Variants in PRUNE2 observed in about 807,000 individuals in gnomAD.
PRUNE2 encodes prune homolog 2 with BCH domain.
A neutral mutation model predicts 252.0 loss-of-function variants in PRUNE2; 164 were observed. The observed-to-expected ratio is 0.65, with a 90% CI of 0.57 to 0.74. The LOEUF (loss-of-function observed/expected upper bound fraction) is 0.74. Among genes scored for constraint, PRUNE2 ranks in the 30% least tolerant of loss-of-function variants. The pLI is 0.00. For synonymous variants in PRUNE2, 1,292 were observed against 1,350.2 expected (o/e 0.96, Z 0.94); for missense variants, 3,495 against 3,711.0 (o/e 0.94, Z 1.51).
At chr9:76,754,544 C>T (rs756091511) in intron 6 of PRUNE2, among the ~76,000 whole-genome samples, 19 of 152,324 alleles carry the variant, frequency 1.2e-4, no homozygotes, top group Non-Finnish European at 2.1e-4. Flanking sequence ...ACCGGCCAAA[C>T]ACTTCCTGTC....
intron 1 of PRUNE2, among the ~76,000 whole-genome samples, chr9:76,865,659 C>T (rs1357699106): frequency 6.6e-6 from 1 of 152,136 alleles, no homozygotes; most frequent in African/African-American, 2.4e-5. Flanking sequence ...ATGTCTTTGT[C>T]ATGTTCTTAT....
In PRUNE2 at chr9:76,707,293, A is replaced by T; in HGVS notation, c.4981T>A (p.Tyr1661Asn). Residue 1661 changes from tyrosine to asparagine, a missense_variant, in exon 8 of 19, where the codon TAC (tyrosine) becomes AAC (asparagine). Tyr to Asn is a moderately radical substitution (Grantham distance 143). Coordinates refer to ENST00000376718, the MANE Select transcript of PRUNE2 (RefSeq NM_015225.3). ...THQESNLIAS[Y>N]QEKNEHDISA... is the part of the protein sequence containing the mutation. Reference sequence around the variant, plus strand: ...ATGTCATGTTCATTTTTCTCCTGGTAGCTAGCAATTAGATTGCTTTCCTGA... The same window carrying T: ...ATGTCATGTTCATTTTTCTCCTGGTTGCTAGCAATTAGATTGCTTTCCTGA... The T allele has an allele frequency of 6.2e-7, 1 of 1,613,948 alleles. No homozygotes were observed. Among genetic ancestry groups the T allele is most frequent in the Non-Finnish European group, 8.5e-7 (1 of 1,179,880 alleles).
intron 1 of PRUNE2, among the ~76,000 whole-genome samples, chr9:76,900,584 T>C (rs947382764): frequency 5.3e-5 from 8 of 152,278 alleles, no homozygotes; most frequent in Non-Finnish European, 1.0e-4. Context: ...TCACCGTCCA[T>C]AGGAATGCTG....
chr9:76,811,503 A>G (rs1378073066), intron 6 of PRUNE2, among the ~76,000 whole-genome samples: 1 of 152,198 alleles, frequency 6.6e-6, no homozygotes, highest in Non-Finnish European at 1.5e-5. Flanking sequence ...ATCAAAGGCA[A>G]TGAATGAAGA....
intron 3 of PRUNE2, among the ~76,000 whole-genome samples, chr9:76,846,924 T>C (rs967326037): frequency 6.6e-6 from 1 of 152,214 alleles, no homozygotes; most frequent in Non-Finnish European, 1.5e-5. Context: ...TGCTGTGCTC[T>C]TGGAAAATAA....
chr9:76,843,089 G>C (rs2059480612), intron 4 of PRUNE2, among the ~76,000 whole-genome samples: 1 of 152,200 alleles, frequency 6.6e-6, no homozygotes, highest in African/African-American at 2.4e-5. Context: ...ATCAATGATA[G>C]ACTGGATAAA....
chr9:76,799,377 G>A (rs2056378796), intron 6 of PRUNE2, among the ~76,000 whole-genome samples: 1 of 151,312 alleles, frequency 6.6e-6, no homozygotes, highest in African/African-American at 2.4e-5. Context: ...ATTTTCCAAT[G>A]AGTGTACCAT....
chr9:76,750,827 T>C (rs1426313843), intron 6 of PRUNE2, among the ~76,000 whole-genome samples: 1 of 152,126 alleles, frequency 6.6e-6, no homozygotes, highest in Non-Finnish European at 1.5e-5. Context: ...TCCTTATGTG[T>C]CTAGAAATCA....
intron 4 of PRUNE2, among the ~76,000 whole-genome samples, chr9:76,835,625 T>TA (rs2058918160): frequency 6.6e-6 from 1 of 152,180 alleles, no homozygotes; most frequent in Non-Finnish European, 1.5e-5. Context: ...CCCCTACCCC[T>TA]AGTATCTTCT....
At chr9:76,750,414 T>C (rs1049477571) in intron 6 of PRUNE2, among the ~76,000 whole-genome samples, 3 of 152,184 alleles carry the variant, frequency 2.0e-5, no homozygotes, top group African/African-American at 7.2e-5. Context: ...ACCCAATTGT[T>C]GTAGCAGAGA....
chr9:76,641,608 A>G (rs1451546477), intron 12 of PRUNE2, among the ~76,000 whole-genome samples: 1 of 152,202 alleles, frequency 6.6e-6, no homozygotes, highest in Non-Finnish European at 1.5e-5. Context: ...TTACTCTAGT[A>G]AAGTTTCCTG....
chr9:76,703,384 C>T lies in PRUNE2; in HGVS notation c.8229G>A (p.Glu2743=), dbSNP rs2046052094. The change falls in exon 9 of 19, where the codon GAG becomes GAA. Residue 2743 remains glutamate, a synonymous_variant. Transcript: ENST00000376718. The stretch of plus-strand genomic sequence containing the variant: ...TTCCGAGCTCAAGGAACTCTGTCTC[C>T]TCCTCCATTTCCGTGTCAGGGATCA... ...KNMIPDTEME[E]ETEFLELGTR... The T allele has an allele frequency of 1.2e-6, 2 of 1,611,298 alleles. No homozygotes were observed. Among genetic ancestry groups the T allele is most frequent in the South Asian group, 1.1e-5 (1 of 90,854 alleles).
intron 6 of PRUNE2, among the ~76,000 whole-genome samples, chr9:76,721,091 G>C (rs929625464): frequency 6.6e-6 from 1 of 152,202 alleles, no homozygotes; most frequent in Non-Finnish European, 1.5e-5. Context: ...AACAGAGCGA[G>C]ACTCCGTCTA....
intron 6 of PRUNE2, among the ~76,000 whole-genome samples, chr9:76,766,182 CAA>C (rs35059224): frequency 2.4e-4 from 27 of 112,336 alleles, no homozygotes; most frequent in African/African-American, 7.4e-4. Flanking sequence ...GACTCTGCCT[CAA>C]AAAAAAAAAA....
chr9:76,889,340 A>AT lies in PRUNE2; in HGVS notation c.36+16587dup, dbSNP rs11307422. Among the ~76,000 whole-genome samples, 512 of 150,270 alleles carry AT rather than the reference A, an allele frequency of 3.4e-3. 5 individuals are homozygous for AT. The highest frequency in any genetic ancestry group is 0.012 in the African/African-American group (489 of 40,926). ...TCTCTGCATGGTGGCGTGACTGCAG[A>AT]TTTTTTTTTTTGAGACAGAGTTTAG... On this transcript the variant is annotated intron_variant, in intron 1 of 18. Coordinates refer to ENST00000376718, the MANE Select transcript of PRUNE2 (RefSeq NM_015225.3).
intron 4 of PRUNE2, among the ~76,000 whole-genome samples, chr9:76,833,557 A>C (rs1322338917): frequency 6.6e-6 from 1 of 151,858 alleles, no homozygotes; most frequent in African/African-American, 2.4e-5. Context: ...CGAAGTCAGG[A>C]GATCGAGACC....
rs2046575708 is a variant in PRUNE2 at position 76,709,737 on chromosome 9, G to A, written c.2537C>T (p.Ser846Leu). Residue 846 changes from serine (S) to leucine (L), a missense_variant, in exon 8 of 19, where the codon TCA becomes TTA. Coordinates refer to ENST00000376718, the MANE Select transcript of PRUNE2 (RefSeq NM_015225.3). ...ACTGGGTGAATTGTCCAGTAGTTCT[G>A]AAGAAGAAAAGGCAAACCCACTTTT... ...MAKSGFAFSS[S>L]ELLDNSPSEI... 1.2e-6 allele frequency: 2 copies of A among 1,613,876 alleles called. No individual in the cohort carries two copies. The highest frequency in any genetic ancestry group is 1.7e-6 in the Non-Finnish European group (2 of 1,179,888).
intron 4 of PRUNE2, among the ~76,000 whole-genome samples, chr9:76,844,115 T>C (rs2059544729): frequency 6.6e-6 from 1 of 152,184 alleles, no homozygotes; most frequent in Admixed American, 6.5e-5. Flanking sequence ...CCTCTGAACA[T>C]TTGAGGTACC....
At chr9:76,874,917 C>T (rs1412817571) in intron 1 of PRUNE2, among the ~76,000 whole-genome samples, 1 of 152,146 alleles carries the variant, frequency 6.6e-6, no homozygotes, top group East Asian at 1.9e-4. Context: ...ATGTCAGTAA[C>T]AAATTATAAA....
Sources: allele counts gnomAD v4.1 joint callset (sites outside exome capture counted in the v4.1 genomes callset), GRCh38; gene constraint gnomAD v4.1.1; transcripts MANE v1.5; gene names NCBI Gene and HGNC (gene_info 2026-07-23, HGNC 2026-07-21).